NAA16: variants seen among roughly 807,000 people sequenced by gnomAD.
NAA16 encodes NARG1-like protein.
A neutral mutation model predicts 110.3 loss-of-function variants in NAA16; 97 were observed. The observed-to-expected ratio is 0.88, with a 90% CI of 0.75 to 1.04. The LOEUF is 1.04. NAA16 is among the 50% of genes least tolerant of loss of function. The pLI is 0.00. For synonymous variants in NAA16, 372 were observed against 330.6 expected (o/e 1.13, Z -1.36); for missense variants, 1,017 against 1,005.1 (o/e 1.01, Z -0.16).
intron 4 of NAA16, among the ~76,000 whole-genome samples, chr13:41,322,671 T>C (rs1273939948): frequency 6.6e-6 from 1 of 152,188 alleles, no homozygotes; most frequent in African/African-American, 2.4e-5. Context: ...ATTATTACAA[T>C]GTATTTACAC....
At chr13:41,315,252 C>T (rs1303521929) in intron 1 of NAA16, among the ~76,000 whole-genome samples, 1 of 152,062 alleles carries the variant, frequency 6.6e-6, no homozygotes. Context: ...GCAATTCAGG[C>T]AGAAGGAACA....
intron 9 of NAA16, among the ~76,000 whole-genome samples, chr13:41,340,662 T>G: frequency 4.1e-4 from 1 of 2,462 alleles, no homozygotes; most frequent in African/African-American, 3.1e-3. Context: ...TTTTTTTTTT[T>G]TTTTTTTTTT....
At chr13:41,348,811 T>G (rs146629602) in intron 9 of NAA16, among the ~76,000 whole-genome samples, 1 of 152,198 alleles carries the variant, frequency 6.6e-6, no homozygotes, top group Non-Finnish European at 1.5e-5. Context: ...TTTTTTATTA[T>G]GTATTCAAAC....
In NAA16 at chr13:41,373,762, C is replaced by A. The variant is rs373163496; in HGVS notation, c.2281C>A (p.Leu761Ile). ...EDFLKRNATS[L>I]QHLLSGAKMM... ...TTTTCTGAAACGTAACGCTACCTCT[C>A]TTCAGCATCTACTTTCAGGTTTGTT... The change falls in exon 18 of 20, where the codon CTT (leucine) becomes ATT (isoleucine). Residue 761 changes from leucine (L) to isoleucine (I), a missense_variant. Coordinates refer to ENST00000379406, the MANE Select transcript of NAA16 (RefSeq NM_024561.5). 3.1e-6 allele frequency: 5 copies of A among 1,601,356 alleles called. No individual in the cohort carries two copies. In the East Asian group the frequency reaches 1.1e-4, roughly 36 times the overall value.
intron 9 of NAA16, among the ~76,000 whole-genome samples, chr13:41,337,073 T>G (rs1003211174): frequency 1.3e-5 from 2 of 152,224 alleles, no homozygotes; most frequent in East Asian, 3.8e-4. Flanking sequence ...TTATGGATTT[T>G]TAAATTAGTT....
intron 1 of NAA16, among the ~76,000 whole-genome samples, chr13:41,312,417 C>T (rs1007011018): frequency 2.0e-5 from 3 of 152,110 alleles, no homozygotes; most frequent in African/African-American, 7.2e-5. Flanking sequence ...GTGCCAGCGT[C>T]CCTGGTAGCT....
Position 41,328,827 on chromosome 13 carries a change from A to T in NAA16, c.795A>T (p.Glu265Asp). The T allele has an allele frequency of 6.2e-7, 1 of 1,602,652 alleles. No homozygotes were observed. The highest frequency in any genetic ancestry group is 2.2e-5 in the East Asian group (1 of 44,670). Reference sequence around the variant, plus strand: ...ATTGGTGTTATTATGAAGGCTTGGAAAAAGCTCTACAAATTAGTATGTAAT... The same window carrying T: ...ATTGGTGTTATTATGAAGGCTTGGATAAAGCTCTACAAATTAGTATGTAAT... ...AENWCYYEGL[E>D]KALQISTLEE... The change falls in exon 7 of 20, where the codon GAA (glutamate) becomes GAT (aspartate). Residue 265 changes from glutamate to aspartate, a missense_variant. Transcript: ENST00000379406.
At chr13:41,360,201 A>G (rs1173893074) in intron 12 of NAA16, among the ~76,000 whole-genome samples, 1 of 152,228 alleles carries the variant, frequency 6.6e-6, no homozygotes, top group East Asian at 1.9e-4. Flanking sequence ...TGAGCATCCC[A>G]AATCTAAAAT....
At chr13:41,353,285 C>G (rs2042890006) in intron 9 of NAA16, among the ~76,000 whole-genome samples, 1 of 152,008 alleles carries the variant, frequency 6.6e-6, no homozygotes, top group South Asian at 2.1e-4. Context: ...TACTAAATTT[C>G]TAAGTTTGTA....
At chr13:41,328,888 G>A (rs763461746) in intron 7 of NAA16, 45 bp downstream of exon 7, 1 of 1,484,578 alleles carries the variant, frequency 6.7e-7, no homozygotes, top group Admixed American at 1.8e-5. Flanking sequence ...ACTGATTGAA[G>A]TATAATAAAA....
intron 13 of NAA16, among the ~76,000 whole-genome samples, chr13:41,365,871 A>G (rs887002187): frequency 1.3e-5 from 2 of 152,184 alleles, no homozygotes; most frequent in Admixed American, 6.5e-5. Flanking sequence ...GAAGTTTGTC[A>G]TCTGCCTTTT....
intron 18 of NAA16, 177 bp from the exon 19 acceptor site, chr13:41,374,565 A>G (rs1323817464): frequency 2.0e-6 from 1 of 505,326 alleles, no homozygotes; most frequent in Non-Finnish European, 3.5e-6. Context: ...ATGGGATGCT[A>G]CTGAATAGGA....
chr13:41,349,062 C>G (rs1393653069), intron 9 of NAA16, among the ~76,000 whole-genome samples: 1 of 152,134 alleles, frequency 6.6e-6, no homozygotes, highest in Non-Finnish European at 1.5e-5. Flanking sequence ...TTTTCTTGAT[C>G]TAAAGAGCCA....
intron 1 of NAA16, among the ~76,000 whole-genome samples, chr13:41,314,712 C>G (rs2139360437): frequency 6.6e-6 from 1 of 152,252 alleles, no homozygotes. Flanking sequence ...TAGGCTAAGG[C>G]CGGCGCAGTG....
chr13:41,355,201 T>G lies in NAA16; in HGVS notation c.1072T>G (p.Phe358Val). 6.3e-7 allele frequency: 1 copy of G among 1,581,298 alleles called. No homozygotes were observed. Among genetic ancestry groups the G allele is most frequent in the Non-Finnish European group, 8.6e-7 (1 of 1,161,220 alleles). The change falls in exon 10 of 20, where the codon TTT (phenylalanine) becomes GTT (valine). Residue 358 changes from phenylalanine to valine, a missense_variant. By Grantham distance (50) the Phe-to-Val change is conservative. Transcript: ENST00000379406. ...TGAAGCCTCTCTTAAAACGTGTGAC[T>G]TTTTTAGCCCATATGGTAAGTTTAA... ...NYEASLKTCD[F>V]FSPYENGEKE...
intron 15 of NAA16, among the ~76,000 whole-genome samples, chr13:41,370,574 T>C (rs2043296736): frequency 6.6e-6 from 1 of 152,184 alleles, no homozygotes; most frequent in Non-Finnish European, 1.5e-5. Context: ...ACAAGAAGGC[T>C]TGGACAGTGA....
At chr13:41,314,019 A>AC (rs1216413750) in intron 1 of NAA16, among the ~76,000 whole-genome samples, 1 of 152,060 alleles carries the variant, frequency 6.6e-6, no homozygotes, top group Non-Finnish European at 1.5e-5. Context: ...TCTTTACCCG[A>AC]GTACTTGGAC....
chr13:41,354,088 A>G (rs2042916103), intron 9 of NAA16, among the ~76,000 whole-genome samples: 1 of 152,058 alleles, frequency 6.6e-6, no homozygotes, highest in Non-Finnish European at 1.5e-5. Context: ...TCTTATTTAC[A>G]CATGTTCCTT....
Position 41,359,060 on chromosome 13 carries a change from T to C in NAA16, c.1410+98T>C. The C allele has an allele frequency of 4.0e-6, 4 of 1,005,012 alleles. No individual in the cohort carries two copies. The South Asian group carries it at 9.4e-5, about 24-fold the overall frequency. The allele number at this position is 1,005,012 out of a possible 1,614,324, so 62.3% of individuals were successfully genotyped here. A position where few individuals can be genotyped will look rare whatever the true frequency, so the allele number is the denominator to read the frequency against. On this transcript the variant is annotated intron_variant, in intron 12 of 19. Coordinates refer to ENST00000379406, the MANE Select transcript of NAA16 (RefSeq NM_024561.5). ...AGTTTGTGAAGAACTTCAGTGGAAG[T>C]TCATAAAAATTCATTTTTATTATTG... is the stretch of plus-strand genomic sequence containing the variant.
Sources: allele counts gnomAD v4.1 joint callset (sites outside exome capture counted in the v4.1 genomes callset), GRCh38; gene constraint gnomAD v4.1.1; transcripts MANE v1.5; gene names NCBI Gene and HGNC (gene_info 2026-07-23, HGNC 2026-07-21).